The following DSCAML1 variants were observed in gnomAD, a reference collection of about 807,000 sequenced individuals.
DSCAML1 encodes cell adhesion molecule DSCAML1.
DSCAML1 carries 38 observed loss-of-function variants against 200.5 expected under a neutral mutation model. The observed-to-expected ratio is 0.19, with a 90% CI of 0.15 to 0.25. The LOEUF (loss-of-function observed/expected upper bound fraction) is 0.25, where lower values mean the gene tolerates loss of function less well. DSCAML1 is among the 10% of genes least tolerant of loss of function. The pLI, the probability that DSCAML1 is intolerant of heterozygous loss-of-function variation, is 1.00. For synonymous variants in DSCAML1, 1,215 were observed against 1,165.0 expected (o/e 1.04, Z -0.87); for missense variants, 2,223 against 2,858.8 (o/e 0.78, Z 5.07).
intron 1 of DSCAML1, among the ~76,000 whole-genome samples, chr11:117,816,971 G>A (rs977086232): frequency 5.3e-5 from 8 of 152,234 alleles, no homozygotes; most frequent in Non-Finnish European, 1.0e-4. Context: ...CAGCCAGGAA[G>A]TGCCTGCCAG....
chr11:117,499,767 T>C (rs1042672010), intron 11 of DSCAML1, among the ~76,000 whole-genome samples: 5 of 152,158 alleles, frequency 3.3e-5, no homozygotes, highest in African/African-American at 1.2e-4. Context: ...TGGGGACCAC[T>C]TGGGCCTGGT....
chr11:117,578,351 G>C (rs1486627817), intron 3 of DSCAML1, among the ~76,000 whole-genome samples: 2 of 150,756 alleles, frequency 1.3e-5, no homozygotes, highest in Non-Finnish European at 2.9e-5. Flanking sequence ...CTCCTTTCCT[G>C]CTTCCTCCCT....
rs2051942486 is a variant in DSCAML1 at position 117,621,934 on chromosome 11, AG to A, written c.512-89413del. 2.6e-5 allele frequency among the ~76,000 whole-genome samples: 4 copies of A among 152,360 alleles called. No homozygotes were observed. The South Asian group carries it at 8.3e-4, about 32-fold the overall frequency. ...AGAGGTTACCATGAGGATCAATGAA[AG>A]GACGTGTTTCATAAAAAGTTTTCTA... On this transcript the variant is annotated intron_variant, in intron 3 of 32. Coordinates refer to ENST00000651296, the MANE Select transcript of DSCAML1 (RefSeq NM_020693.4).
intron 3 of DSCAML1, among the ~76,000 whole-genome samples, chr11:117,769,582 T>A (rs995307179): frequency 1.6e-5 from 2 of 128,686 alleles, no homozygotes; most frequent in Admixed American, 1.0e-4. Context: ...ATATATTTTT[T>A]ATATATATAT....
At chr11:117,656,647 G>A (rs1490952686) in intron 3 of DSCAML1, among the ~76,000 whole-genome samples, 1 of 152,136 alleles carries the variant, frequency 6.6e-6, no homozygotes, top group Non-Finnish European at 1.5e-5. Flanking sequence ...GGCTTAGTAG[G>A]GTTAAGAAAT....
At chr11:117,492,575 T>C (rs1389945321) in intron 11 of DSCAML1, among the ~76,000 whole-genome samples, 1 of 152,128 alleles carries the variant, frequency 6.6e-6, no homozygotes, top group African/African-American at 2.4e-5. Context: ...GGCCCCTCCT[T>C]TTCCCCAACC....
chr11:117,709,787 G>A, intron 3 of DSCAML1: 1 of 454,304 alleles, frequency 2.2e-6, no homozygotes, highest in Non-Finnish European at 4.4e-6. Context: ...CTAAGGAGCG[G>A]CTGTGAAAAA....
chr11:117,597,486 T>C (rs1591307138), intron 3 of DSCAML1, among the ~76,000 whole-genome samples: 1 of 152,194 alleles, frequency 6.6e-6, no homozygotes, highest in African/African-American at 2.4e-5. Context: ...TCTCACTCTC[T>C]CACCCAGGCT....
chr11:117,790,732 C>T (rs12291974), intron 1 of DSCAML1, among the ~76,000 whole-genome samples: 21,589 of 152,132 alleles, frequency 0.14, 1,771 homozygotes, highest in African/African-American at 0.23. Flanking sequence ...GTAGGATAGC[C>T]AGGACGGGGG....
chr11:117,447,463 C>T (rs1013984771), intron 20 of DSCAML1, among the ~76,000 whole-genome samples: 2 of 150,892 alleles, frequency 1.3e-5, no homozygotes, highest in African/African-American at 5.0e-5. Flanking sequence ...AGACTATATA[C>T]CAGTGTTTAT....
intron 3 of DSCAML1, among the ~76,000 whole-genome samples, chr11:117,748,163 G>A (rs1454449912): frequency 6.6e-6 from 1 of 152,208 alleles, no homozygotes; most frequent in African/African-American, 2.4e-5. Flanking sequence ...ACTATTGTGA[G>A]AAAGTGAAGA....
Position 117,428,740 on chromosome 11 carries a change from C to A in DSCAML1, c.5750G>T (p.Arg1917Leu). 7 of 1,612,810 alleles carry A rather than the reference C, an allele frequency of 4.3e-6. No individual in the cohort carries two copies. The highest frequency in any genetic ancestry group is 2.2e-5 in the East Asian group (1 of 44,870). Reference protein sequence around the residue: ...SEAFFRKADGREPCPVVPPRE... With the variant: ...SEAFFRKADGLEPCPVVPPRE... ...GGGTGGGACCACGGGGCAGGGCTCACGTCCATCTGCCTTTCGAAAGAAGGC... is the reference window on the plus strand; with the variant it reads ...GGGTGGGACCACGGGGCAGGGCTCAAGTCCATCTGCCTTTCGAAAGAAGGC... Residue 1917 changes from arginine to leucine, a missense_variant, in exon 33 of 33, where the codon CGT (arginine) becomes CTT (leucine). This residue lies in a region of DSCAML1 where 280 missense variants were observed against 213.4 expected (regional missense o/e 1.31). Coordinates refer to ENST00000651296, the MANE Select transcript of DSCAML1 (RefSeq NM_020693.4).
At chr11:117,524,690 G>T in intron 5 of DSCAML1, 115 bp downstream of exon 5, 1 of 1,317,110 alleles carries the variant, frequency 7.6e-7, no homozygotes, top group Non-Finnish European at 1.0e-6. Context: ...AGTCAGCCAG[G>T]GTTATTCCCA....
At chr11:117,638,315 A>AGT (rs59327038) in intron 3 of DSCAML1, among the ~76,000 whole-genome samples, 9,357 of 135,040 alleles carry the variant, frequency 0.069, 310 homozygotes, top group South Asian at 0.14. Flanking sequence ...CAAGATAGCA[A>AGT]GTGTGTGTGT....
intron 3 of DSCAML1, among the ~76,000 whole-genome samples, chr11:117,627,549 C>T (rs545315816): frequency 7.0e-4 from 106 of 152,276 alleles, no homozygotes; most frequent in Middle Eastern, 3.4e-3. Context: ...CCATTCCCTA[C>T]GGCCCAGTGC....
intron 3 of DSCAML1, among the ~76,000 whole-genome samples, chr11:117,636,435 G>A (rs900741434): frequency 6.6e-6 from 1 of 152,108 alleles, no homozygotes; most frequent in African/African-American, 2.4e-5. Flanking sequence ...TGAACAAGAC[G>A]TATATTCCTT....
rs1491304205 is a variant in DSCAML1 at position 117,780,159 on chromosome 11, GAA to G, written c.364+332_364+333del. Among the ~76,000 whole-genome samples, 31 of 131,980 alleles carry G rather than the reference GAA, an allele frequency of 2.3e-4. No individual in the cohort carries two copies. Among genetic ancestry groups the G allele is most frequent in the African/African-American group, 5.5e-4 (19 of 34,438 alleles). 86.6% of individuals were successfully genotyped at this position (131,980 alleles called of 152,430 possible). A position where few individuals can be genotyped will look rare whatever the true frequency, so the allele number is the denominator to read the frequency against. Reference sequence around the variant, plus strand: ...AAAAAGAAAGAGAGAGAGAGAGAGAGAAAGAAAGAAAGAAAAAAAGAAAAAAA... The same window carrying G: ...AAAAAGAAAGAGAGAGAGAGAGAGAGAGAAAGAAAGAAAAAAAGAAAAAAA... On this transcript the variant is annotated intron_variant, in intron 2 of 32. Coordinates refer to ENST00000651296, the MANE Select transcript of DSCAML1 (RefSeq NM_020693.4). This position sits in a 1 kb window ranked among gnomAD's most constrained non-coding sequence, Gnocchi z 4.8.
At chr11:117,749,245 C>A (rs73585244) in intron 3 of DSCAML1, among the ~76,000 whole-genome samples, 2,534 of 152,332 alleles carry the variant, frequency 0.017, 64 homozygotes, top group African/African-American at 0.057. Context: ...AAACCAGATG[C>A]TGTGGCGGAG....
At chr11:117,792,011 G>A (rs1016809875) in intron 1 of DSCAML1, among the ~76,000 whole-genome samples, 3 of 152,210 alleles carry the variant, frequency 2.0e-5, no homozygotes, top group Non-Finnish European at 2.9e-5. Flanking sequence ...TGAAAGATTT[G>A]CCTTGACTCC....
Sources: allele counts gnomAD v4.1 joint callset (sites outside exome capture counted in the v4.1 genomes callset), GRCh38; gene constraint gnomAD v4.1.1; regional missense constraint gnomAD v4.1.1; non-coding constraint Gnocchi (gnomAD v3.1); transcripts MANE v1.5; gene names NCBI Gene and HGNC (gene_info 2026-07-23, HGNC 2026-07-21).